ACIN1: variants seen among roughly 807,000 people sequenced by gnomAD.
The protein encoded by ACIN1 is apoptotic chromatin condensation inducer in the nucleus.
Under a neutral mutation model 146.6 loss-of-function variants are expected in ACIN1, and 16 were observed. The observed-to-expected ratio is 0.11, with a 90% CI of 0.07 to 0.17. The LOEUF (loss-of-function observed/expected upper bound fraction) is 0.17. ACIN1 is among the 10% of genes least tolerant of loss of function. The pLI, the probability that ACIN1 is intolerant of heterozygous loss-of-function variation, is 1.00. For synonymous variants in ACIN1, 569 were observed against 582.7 expected (o/e 0.98, Z 0.34); for missense variants, 1,357 against 1,609.3 (o/e 0.84, Z 2.68).
chr14:23,069,646 GGGC>G, intron 8 of ACIN1, 29 bp from the exon 9 acceptor site: 1 of 855,382 alleles, frequency 1.2e-6, no homozygotes, highest in South Asian at 1.4e-5. Flanking sequence ...GGTGGTGGGG[GGGC>G]GGGCAGAAAA....
intron 8 of ACIN1, among the ~76,000 whole-genome samples, chr14:23,075,116 C>T (rs549850142): frequency 2.0e-5 from 3 of 152,282 alleles, no homozygotes; most frequent in African/African-American, 2.4e-5. Flanking sequence ...ATATCAATTA[C>T]ACCATCATAT....
intron 2 of ACIN1, among the ~76,000 whole-genome samples, chr14:23,091,469 A>G (rs777874702): frequency 2.0e-5 from 3 of 150,062 alleles, no homozygotes; most frequent in Non-Finnish European, 3.0e-5. Context: ...TTGTGGTGTG[A>G]GTCTGTCATC....
intron 3 of ACIN1, 127 bp from the exon 4 acceptor site, chr14:23,090,228 A>G: frequency 7.5e-7 from 1 of 1,330,022 alleles, no homozygotes; most frequent in Non-Finnish European, 1.0e-6. Flanking sequence ...AGAGCACCGT[A>G]TAAAAAGAAA....
intron 8 of ACIN1, among the ~76,000 whole-genome samples, chr14:23,070,708 C>G (rs772883951): frequency 6.6e-6 from 1 of 152,086 alleles, no homozygotes; most frequent in African/African-American, 2.4e-5. Flanking sequence ...AGAGGGGAAA[C>G]CAAGCCTCCC....
chr14:23,062,871 G>A (rs954898281), intron 14 of ACIN1, 58 bp downstream of exon 14: 6 of 1,541,478 alleles, frequency 3.9e-6, no homozygotes, highest in South Asian at 1.3e-5. Context: ...GGAGGCATAA[G>A]CCTAAAGCTC....
At chr14:23,089,555 A>T (rs2048174846) in intron 4 of ACIN1, among the ~76,000 whole-genome samples, 2 of 152,176 alleles carry the variant, frequency 1.3e-5, no homozygotes, top group Non-Finnish European at 2.9e-5. Context: ...TTCTTTCTTT[A>T]CTATATTCCT....
intron 1 of ACIN1, among the ~76,000 whole-genome samples, chr14:23,094,267 T>G (rs1464271916): frequency 6.6e-6 from 1 of 152,140 alleles, no homozygotes; most frequent in Non-Finnish European, 1.5e-5. Context: ...CATCTTCCCT[T>G]CTTTAAACCA....
chr14:23,059,956 G>GTTTTTTTTTTTTTTTTTTT (rs397830741), intron 18 of ACIN1, among the ~76,000 whole-genome samples: 1 of 100,134 alleles, frequency 1.0e-5, no homozygotes, highest in African/African-American at 4.1e-5. Flanking sequence ...CGCCCCGCCA[G>GTTTTTTTTTTTTTTTTTTT]TTTTTTTTTT....
chr14:23,083,715 C>T (rs1249434840), intron 4 of ACIN1, among the ~76,000 whole-genome samples: 1 of 152,024 alleles, frequency 6.6e-6, no homozygotes, highest in African/African-American at 2.4e-5. Flanking sequence ...GGCGACAGAG[C>T]GAGACTCCGT....
chr14:23,062,048 G>T, intron 16 of ACIN1, 120 bp downstream of exon 16: 1 of 801,850 alleles, frequency 1.2e-6, no homozygotes, highest in East Asian at 2.5e-5. Context: ...ACCAAAGCCA[G>T]GGAAGAAGAG....
At chr14:23,069,351 C>T (rs898003041) in intron 9 of ACIN1, 125 bp downstream of exon 9, 1 of 1,467,780 alleles carries the variant, frequency 6.8e-7, no homozygotes, top group African/African-American at 1.4e-5. Context: ...CTATTCTGAT[C>T]CAAGTCCCTG....
rs1461214470 is a variant in ACIN1, at chr14:23,094,487, T to C, written c.138+488A>G. On this transcript the variant is annotated intron_variant, in intron 1 of 18. Transcript: ENST00000605057. ...CCCTTCAAATAAAGGTCTCTCTTCA[T>C]CTCACCTCCTCATCTAATCGAGCAG... 6 of 985,208 alleles carry C rather than the reference T, an allele frequency of 6.1e-6. No individual in the cohort carries two copies. The African/African-American group carries it at 7.0e-5, about 11-fold the overall frequency. 61.0% of individuals were successfully genotyped at this position (985,208 alleles called of 1,614,324 possible).
Position 23,080,679 on chromosome 14 carries a change from TC to T in ACIN1, c.655del (p.Glu219ArgfsTer25). The T allele has an allele frequency of 1.9e-6, 3 of 1,613,936 alleles. No homozygotes were observed. Among genetic ancestry groups the T allele is most frequent in the Non-Finnish European group, 2.5e-6 (3 of 1,179,960 alleles). Reference sequence around the variant, plus strand: ...TTCTTCATCATCTTCTTCCTCCTCCTCCTCCTCCTCTTCTTCCTCCTCTGTT... The same window carrying T: ...TTCTTCATCATCTTCTTCCTCCTCCTCTCCTCCTCTTCTTCCTCCTCTGTT... ...LKTEEEEEEE[E>X]EEEEDDEEEE... is the part of the protein sequence containing the mutation. On this transcript the variant is annotated frameshift_variant, in exon 6 of 19. Coordinates refer to ENST00000605057, the MANE Select transcript of ACIN1 (RefSeq NM_001386863.1). LOFTEE classifies it high-confidence loss of function.
rs904916465 is a variant in ACIN1 at position 23,086,635 on chromosome 14, G to A, written c.436+3347C>T. On this transcript the variant is annotated intron_variant, in intron 4 of 18. Coordinates refer to ENST00000605057, the MANE Select transcript of ACIN1 (RefSeq NM_001386863.1). ...CGAGTAGCTGGGACTACAGGCATGT[G>A]CCATCACAGTCAGCTAATGTTTTCT... Among the ~76,000 whole-genome samples, 36 of 152,290 alleles carry A rather than the reference G, an allele frequency of 2.4e-4. 1 individual carries two copies. The highest frequency in any genetic ancestry group is 6.8e-3 in the Middle Eastern group (2 of 294).
rs373943379 is a variant in ACIN1 at position 23,059,165 on chromosome 14, G to A, written c.3835C>T (p.Arg1279Trp). ...SRSRSTPVRDRGGRR is the reference protein window; with the variant it reads ...SRSRSTPVRDWGGRR ...TTTCCCAGCTAGCGGCGCCCACCCCGGTCCCGCACAGGTGTGCTCCGACTC... is the reference window on the plus strand; with the variant it reads ...TTTCCCAGCTAGCGGCGCCCACCCCAGTCCCGCACAGGTGTGCTCCGACTC... Residue 1279 changes from arginine (R) to tryptophan (W), a missense_variant, in exon 19 of 19, where the codon CGG (arginine) becomes TGG (tryptophan). Transcript: ENST00000605057. The A allele has an allele frequency of 1.2e-6, 2 of 1,613,716 alleles. No individual in the cohort carries two copies. Among genetic ancestry groups the A allele is most frequent in the Non-Finnish European group, 1.7e-6 (2 of 1,179,846 alleles).
intron 8 of ACIN1, among the ~76,000 whole-genome samples, chr14:23,076,799 T>G (rs2047813496): frequency 6.6e-6 from 1 of 152,204 alleles, no homozygotes; most frequent in Non-Finnish European, 1.5e-5. Flanking sequence ...GCAGGTATTA[T>G]GTCTGGTTGA....
chr14:23,094,588 C>T, intron 1 of ACIN1: 5 of 969,504 alleles, frequency 5.2e-6, no homozygotes, highest in Non-Finnish European at 6.1e-6. Context: ...CAACTATACC[C>T]CTAACTCCGA....
rs1489797142 is a variant in ACIN1 at position 23,082,475 on chromosome 14, TCA to T, written c.437-641_437-640del. On this transcript the variant is annotated intron_variant, in intron 4 of 18. Coordinates refer to ENST00000605057, the MANE Select transcript of ACIN1 (RefSeq NM_001386863.1). ...TTTTTTTTTTTTCTGAGATGGAGTC[TCA>T]CTCTGTCACCCAGGCTGGATGCAGT... Among the ~76,000 whole-genome samples, 3 of 135,810 alleles carry T rather than the reference TCA, an allele frequency of 2.2e-5. No homozygotes were observed. The East Asian group carries it at 7.3e-4, about 33-fold the overall frequency. The allele number at this position is 135,810 out of a possible 152,430, so 89.1% of individuals were successfully genotyped here.
intron 2 of ACIN1, among the ~76,000 whole-genome samples, chr14:23,092,765 A>G (rs1453112977): frequency 2.6e-5 from 4 of 152,222 alleles, no homozygotes; most frequent in Non-Finnish European, 5.9e-5. Context: ...GCAGAAACTC[A>G]ATAGTTAAAA....
Sources: gnomAD v4.1 joint callset for allele counts (sites outside exome capture counted in the v4.1 genomes callset) on GRCh38, gnomAD v4.1.1 for gene constraint, MANE v1.5 for transcripts, NCBI Gene and HGNC (gene_info 2026-07-23, HGNC 2026-07-21) for gene names.